Variants in SLC24A2 observed in about 807,000 individuals in gnomAD.
The protein encoded by SLC24A2 is sodium/potassium/calcium exchanger 2.
SLC24A2 carries 36 observed loss-of-function variants against 62.0 expected under a neutral mutation model. The ratio of observed to expected loss-of-function variants is 0.58; its 90% CI spans 0.44 to 0.77. The LOEUF (loss-of-function observed/expected upper bound fraction) is 0.77, where lower values mean the gene tolerates loss of function less well. Ranked by LOEUF, SLC24A2 falls within the 30% of genes least tolerant of loss-of-function variation. The pLI is 0.00. For synonymous variants in SLC24A2, 358 were observed against 294.0 expected (o/e 1.22, Z -2.23); for missense variants, 846 against 817.9 (o/e 1.03, Z -0.42).
chr9:19,764,994 T>A (rs141070429), intron 2 of SLC24A2, among the ~76,000 whole-genome samples: 2 of 152,348 alleles, frequency 1.3e-5, no homozygotes, highest in African/African-American at 4.8e-5. Context: ...TGGGTGCATA[T>A]ATATTTAGGA....
chr9:19,554,024 G>C (rs1168119811), intron 7 of SLC24A2, among the ~76,000 whole-genome samples: 1 of 152,168 alleles, frequency 6.6e-6, no homozygotes, highest in African/African-American at 2.4e-5. Flanking sequence ...CTTATTTGGA[G>C]ATAGGATCTT....
the SLC24A2 span, among the ~76,000 whole-genome samples, chr9:19,950,451 A>G: frequency 2.6e-5 from 4 of 151,638 alleles, no homozygotes; most frequent in East Asian, 2.0e-4. Flanking sequence ...AAATCTGCAA[A>G]CTAACATTTT....
chr9:19,735,111 T>G (rs1821466013), intron 2 of SLC24A2, among the ~76,000 whole-genome samples: 1 of 151,996 alleles, frequency 6.6e-6, no homozygotes, highest in Non-Finnish European at 1.5e-5. Context: ...AATCTATCCA[T>G]CTGACAATGG....
At chr9:19,795,959 ATGTCCTTTGT>A in the SLC24A2 span, among the ~76,000 whole-genome samples, 10 of 151,804 alleles carry the variant, frequency 6.6e-5, no homozygotes, top group Admixed American at 5.9e-4. Flanking sequence ...TGATGAGTTC[ATGTCCTTTGT>A]AGGGACATGG....
the SLC24A2 span, among the ~76,000 whole-genome samples, chr9:19,923,752 C>G: frequency 6.6e-6 from 1 of 152,202 alleles, no homozygotes; most frequent in Non-Finnish European, 1.5e-5. Flanking sequence ...TTTCTTTTTA[C>G]TTTTTTTCTG....
the SLC24A2 span, among the ~76,000 whole-genome samples, chr9:19,831,410 T>C: frequency 6.6e-6 from 1 of 152,090 alleles, no homozygotes; most frequent in Non-Finnish European, 1.5e-5. Flanking sequence ...TCTTTAACTA[T>C]CCTTTCCACA....
intron 8 of SLC24A2, among the ~76,000 whole-genome samples, chr9:19,548,725 C>T (rs375819794): frequency 2.0e-5 from 3 of 152,204 alleles, no homozygotes; most frequent in Non-Finnish European, 4.4e-5. Flanking sequence ...CCACAATGCT[C>T]TCCTCCCTGT....
chr9:19,992,035 G>T, the SLC24A2 span, among the ~76,000 whole-genome samples: 1 of 152,202 alleles, frequency 6.6e-6, no homozygotes, highest in Admixed American at 6.5e-5. Context: ...AACCATCTAT[G>T]TTGGGGCAGC....
the SLC24A2 span, among the ~76,000 whole-genome samples, chr9:20,224,740 G>T: frequency 2.0e-5 from 3 of 152,008 alleles, no homozygotes; most frequent in Admixed American, 6.6e-5. Flanking sequence ...ATACCAGAAT[G>T]CATCACCAGT....
intron 2 of SLC24A2, among the ~76,000 whole-genome samples, chr9:19,683,864 G>A (rs987089400): frequency 2.0e-5 from 3 of 151,998 alleles, no homozygotes; most frequent in Admixed American, 6.6e-5. Context: ...CTGGGCCCAG[G>A]GGCTCCACAC....
chr9:19,752,868 A>C (rs1380435139), intron 2 of SLC24A2, among the ~76,000 whole-genome samples: 1 of 152,232 alleles, frequency 6.6e-6, no homozygotes, highest in Admixed American at 6.5e-5. Flanking sequence ...TAAGTGGCCA[A>C]GCCAGATTCT....
the SLC24A2 span, among the ~76,000 whole-genome samples, chr9:19,948,826 C>T: frequency 5.1e-5 from 5 of 97,172 alleles, no homozygotes; most frequent in South Asian, 3.6e-4. Context: ...GCCTGGGCAA[C>T]AGAACGAGAC....
chr9:19,606,049 T>C (rs10122140), intron 4 of SLC24A2, among the ~76,000 whole-genome samples: 80,679 of 152,072 alleles, frequency 0.53, 21,674 homozygotes, highest in East Asian at 0.73. Context: ...TTGTGTGATG[T>C]CACCTTTGAA....
chr9:19,565,318 A>G (rs558891087), intron 7 of SLC24A2, among the ~76,000 whole-genome samples: 2 of 142,736 alleles, frequency 1.4e-5, no homozygotes, highest in South Asian at 2.2e-4. Flanking sequence ...TTATACACCA[A>G]CAACAGACAA....
At chr9:20,089,711 A>G in the SLC24A2 span, among the ~76,000 whole-genome samples, 1 of 58,516 alleles carries the variant, frequency 1.7e-5, no homozygotes, top group Non-Finnish European at 3.2e-5. Context: ...CACCACTGCC[A>G]CAGTAGCAGT....
intron 2 of SLC24A2, among the ~76,000 whole-genome samples, chr9:19,698,521 C>CT (rs1290407569): frequency 6.6e-6 from 1 of 152,164 alleles, no homozygotes; most frequent in Non-Finnish European, 1.5e-5. Flanking sequence ...AAGAAGAACT[C>CT]TAAAATTAGA....
intron 1 of SLC24A2, chr9:19,788,672 A>T: frequency 1.5e-5 from 15 of 985,142 alleles, no homozygotes; most frequent in Non-Finnish European, 1.8e-5. Context: ...CCCCATCCCA[A>T]GCCAAAAGCA....
chr9:19,689,633 A>C (rs1410812462), intron 2 of SLC24A2, among the ~76,000 whole-genome samples: 4 of 152,102 alleles, frequency 2.6e-5, no homozygotes, highest in Non-Finnish European at 4.4e-5. Flanking sequence ...CTTCATCATA[A>C]ACAATGGCCT....
chr9:19,781,774 T>C (rs145450023), intron 2 of SLC24A2, among the ~76,000 whole-genome samples: 1 of 152,232 alleles, frequency 6.6e-6, no homozygotes, highest in African/African-American at 2.4e-5. Flanking sequence ...CCATCTTACC[T>C]ACTTTGAAGT....
Sources: gnomAD v4.1 joint callset for allele counts (sites outside exome capture counted in the v4.1 genomes callset) on GRCh38, gnomAD v4.1.1 for gene constraint, MANE v1.5 for transcripts, NCBI Gene and HGNC (gene_info 2026-07-23, HGNC 2026-07-21) for gene names.